The following EDIL3 variants were observed in gnomAD, a reference collection of about 807,000 sequenced individuals.
EDIL3 encodes EGF like and discoidin domains 3.
In EDIL3, 37 loss-of-function variants were observed where a neutral mutation model predicts 67.4. The observed-to-expected ratio is 0.55, with a 90% CI of 0.42 to 0.72. The LOEUF is 0.72. Among genes scored for constraint, EDIL3 ranks in the 30% least tolerant of loss-of-function variants. EDIL3 has a pLI of 0.00. For missense variants in EDIL3, 527 were observed against 586.3 expected, an observed-to-expected ratio of 0.90 and a Z score of 1.04; for synonymous variants, 195 against 196.3, an observed-to-expected ratio of 0.99 and a Z score of 0.05.
At chr5:84,020,534 C>A (rs1181867627) in intron 9 of EDIL3, among the ~76,000 whole-genome samples, 2 of 151,954 alleles carry the variant, frequency 1.3e-5, no homozygotes, top group Admixed American at 1.3e-4. Flanking sequence ...ATCTCTTTAA[C>A]TTTCAGGGGA....
intron 9 of EDIL3, among the ~76,000 whole-genome samples, chr5:83,990,848 C>T (rs1320600167): frequency 6.6e-6 from 1 of 151,164 alleles, no homozygotes; most frequent in East Asian, 1.9e-4. Flanking sequence ...CCACTGCACT[C>T]CAGCCTGGGC....
At chr5:84,258,893 C>T (rs764223130) in intron 1 of EDIL3, among the ~76,000 whole-genome samples, 16 of 150,958 alleles carry the variant, frequency 1.1e-4, no homozygotes, top group Non-Finnish European at 2.4e-4. Context: ...GAAATTCTGA[C>T]TAAAATGCAA....
intron 1 of EDIL3, among the ~76,000 whole-genome samples, chr5:84,327,343 T>C (rs1746784588): frequency 6.6e-6 from 1 of 152,016 alleles, no homozygotes; most frequent in African/African-American, 2.4e-5. Context: ...TTGATTGGTA[T>C]GATTTTCCTT....
chr5:84,178,046 CT>C (rs1748951505), intron 4 of EDIL3, among the ~76,000 whole-genome samples: 1 of 152,078 alleles, frequency 6.6e-6, no homozygotes, highest in Non-Finnish European at 1.5e-5. Context: ...ATTTGTACAA[CT>C]CTCATTTTTA....
At chr5:84,015,008 C>A (rs1745577393) in intron 9 of EDIL3, among the ~76,000 whole-genome samples, 1 of 152,164 alleles carries the variant, frequency 6.6e-6, no homozygotes, top group African/African-American at 2.4e-5. Flanking sequence ...ATTTTGTAGG[C>A]TTGCTTCTCC....
chr5:84,166,948 T>C lies in EDIL3; in HGVS notation c.355+13445A>G, dbSNP rs566360276. On this transcript the variant is annotated intron_variant, in intron 4 of 10. Transcript: ENST00000296591. Reference sequence around the variant, plus strand: ...AAAGTAGAATCAGCAAGGTGGAGTATAGTTGGATATAAGATCAAGAGAGAC... The same window carrying C: ...AAAGTAGAATCAGCAAGGTGGAGTACAGTTGGATATAAGATCAAGAGAGAC... 1.4e-4 allele frequency among the ~76,000 whole-genome samples: 22 copies of C among 152,178 alleles called. No individual in the cohort carries two copies. In the South Asian group the frequency reaches 1.4e-3, roughly 10 times the overall value.
At chr5:84,005,883 C>T (rs1042439226) in intron 9 of EDIL3, among the ~76,000 whole-genome samples, 1 of 151,932 alleles carries the variant, frequency 6.6e-6, no homozygotes, top group African/African-American at 2.4e-5. Context: ...GTTAAACTAT[C>T]TCTCCTCGCA....
intron 4 of EDIL3, among the ~76,000 whole-genome samples, chr5:84,168,378 T>G (rs1302459002): frequency 6.6e-6 from 1 of 152,122 alleles, no homozygotes; most frequent in African/African-American, 2.4e-5. Flanking sequence ...TATCAAAAAT[T>G]AAAAATTCAA....
intron 9 of EDIL3, among the ~76,000 whole-genome samples, chr5:84,024,509 C>A (rs1309338728): frequency 6.6e-6 from 1 of 152,036 alleles, no homozygotes; most frequent in Non-Finnish European, 1.5e-5. Context: ...TGTGTAAGTG[C>A]AAAACCTAGT....
chr5:84,260,321 T>G (rs140314909), intron 1 of EDIL3, among the ~76,000 whole-genome samples: 1 of 152,130 alleles, frequency 6.6e-6, no homozygotes, highest in Non-Finnish European at 1.5e-5. Context: ...CGAAGAGCAT[T>G]CTAGGCACAG....
chr5:84,366,012 A>T (rs1458109179), intron 1 of EDIL3, among the ~76,000 whole-genome samples: 1 of 152,174 alleles, frequency 6.6e-6, no homozygotes, highest in Non-Finnish European at 1.5e-5. Flanking sequence ...TCCAATTCCT[A>T]GTCTATCTGA....
chr5:83,998,608 C>T (rs1474604009), intron 9 of EDIL3, among the ~76,000 whole-genome samples: 1 of 152,152 alleles, frequency 6.6e-6, no homozygotes, highest in Non-Finnish European at 1.5e-5. Context: ...TGCTCAGGCA[C>T]TGTAAAATAA....
chr5:84,279,927 C>A (rs963917567), intron 1 of EDIL3, among the ~76,000 whole-genome samples: 2 of 152,152 alleles, frequency 1.3e-5, no homozygotes, highest in Non-Finnish European at 2.9e-5. Context: ...GGTCTCTTTG[C>A]CGCTATTTAA....
At chr5:83,959,478 A>T (rs1483162279) in intron 10 of EDIL3, among the ~76,000 whole-genome samples, 1 of 151,032 alleles carries the variant, frequency 6.6e-6, no homozygotes, top group Admixed American at 6.6e-5. Context: ...ACAAAAGAAG[A>T]CTTAGAAGCT....
chr5:84,295,158 T>C (rs578208436), intron 1 of EDIL3, among the ~76,000 whole-genome samples: 1 of 152,068 alleles, frequency 6.6e-6, no homozygotes, highest in South Asian at 2.1e-4. Context: ...TCCCATGCTA[T>C]ATATCATAAT....
intron 5 of EDIL3, among the ~76,000 whole-genome samples, chr5:84,116,515 T>C (rs913934226): frequency 2.4e-4 from 37 of 152,326 alleles, no homozygotes; most frequent in African/African-American, 8.7e-4. Flanking sequence ...GCCTGCTCTC[T>C]AAGTCACAAC....
chr5:84,010,217 T>A (rs1305279116), intron 9 of EDIL3, among the ~76,000 whole-genome samples: 2 of 152,218 alleles, frequency 1.3e-5, no homozygotes, highest in Non-Finnish European at 2.9e-5. Flanking sequence ...TCTTTCTTAT[T>A]CCTAGAGCTT....
chr5:84,160,765 CTTTCCT>C (rs1748591653), intron 4 of EDIL3, among the ~76,000 whole-genome samples: 1 of 47,360 alleles, frequency 2.1e-5, no homozygotes, highest in East Asian at 2.7e-3. Flanking sequence ...CTTTCCTTTC[CTTTCCT>C]TTCCTTTCCT....
intron 9 of EDIL3, among the ~76,000 whole-genome samples, chr5:84,005,040 C>T (rs1046636815): frequency 6.6e-6 from 1 of 152,038 alleles, no homozygotes; most frequent in Non-Finnish European, 1.5e-5. Context: ...ACTAAGAACC[C>T]TCATATACTA....
Sources: gnomAD v4.1 joint callset for allele counts (sites outside exome capture counted in the v4.1 genomes callset) on GRCh38, gnomAD v4.1.1 for gene constraint, MANE v1.5 for transcripts, NCBI Gene and HGNC (gene_info 2026-07-23, HGNC 2026-07-21) for gene names.